CSMD1: variants seen among roughly 807,000 people sequenced by gnomAD.
The protein encoded by CSMD1 is CUB and sushi domain-containing protein 1.
A neutral mutation model predicts 417.5 loss-of-function variants in CSMD1; 213 were observed. The ratio of observed to expected loss-of-function variants is 0.51; its 90% confidence interval spans 0.46 to 0.57. CSMD1 has a LOEUF of 0.57. Among genes scored for constraint, CSMD1 ranks in the 20% least tolerant of loss-of-function variants. CSMD1 has a pLI of 0.00. For synonymous variants in CSMD1, 2,862 were observed against 1,736.8 expected, an observed-to-expected ratio of 1.65 and a Z score of -16.11; for missense variants, 6,923 against 4,529.7, an observed-to-expected ratio of 1.53 and a Z score of -15.17.
At chr8:3,216,117 T>A (rs1464615645) in intron 29 of CSMD1, among the ~76,000 whole-genome samples, 1 of 151,182 alleles carries the variant, frequency 6.6e-6, no homozygotes, top group African/African-American at 2.4e-5. Context: ...ATATATTTTA[T>A]ATACATTTCT....
chr8:3,694,265 C>G (rs529475737), intron 7 of CSMD1, among the ~76,000 whole-genome samples: 1 of 152,044 alleles, frequency 6.6e-6, no homozygotes, highest in African/African-American at 2.4e-5. Flanking sequence ...AGAGCCTGGT[C>G]ATGCTCAGGG....
intron 7 of CSMD1, among the ~76,000 whole-genome samples, chr8:3,617,142 T>C (rs1026003999): frequency 2.0e-5 from 3 of 152,180 alleles, no homozygotes; most frequent in African/African-American, 4.8e-5. Context: ...GAAAAACGCA[T>C]ACACTTAGAG....
chr8:4,473,545 T>C (rs1037757012), intron 2 of CSMD1, among the ~76,000 whole-genome samples: 3 of 152,238 alleles, frequency 2.0e-5, no homozygotes, highest in African/African-American at 7.2e-5. Flanking sequence ...TGCCTTTTTC[T>C]TGTACTTCTG....
At chr8:4,197,116 C>A (rs551836186) in intron 3 of CSMD1, among the ~76,000 whole-genome samples, 16 of 152,108 alleles carry the variant, frequency 1.1e-4, no homozygotes, top group Non-Finnish European at 1.6e-4. Flanking sequence ...AAAGTGTGTC[C>A]TCAAGCAGTT....
At chr8:4,398,855 C>G (rs911391705) in intron 3 of CSMD1, among the ~76,000 whole-genome samples, 1 of 152,098 alleles carries the variant, frequency 6.6e-6, no homozygotes, top group Non-Finnish European at 1.5e-5. Flanking sequence ...CTAATTGAAA[C>G]TTTTAAACCA....
chr8:4,825,276 C>G (rs1799759724), intron 1 of CSMD1, among the ~76,000 whole-genome samples: 1 of 152,064 alleles, frequency 6.6e-6, no homozygotes, highest in African/African-American at 2.4e-5. Context: ...GACACAATCA[C>G]CCCACTCAAG....
chr8:3,631,722 A>C (rs1010097142), intron 7 of CSMD1, among the ~76,000 whole-genome samples: 4 of 152,188 alleles, frequency 2.6e-5, no homozygotes, highest in African/African-American at 9.6e-5. Context: ...GTTCGAGAAA[A>C]ACTCTCTGAG....
At chr8:3,167,033 T>A (rs1820267042) in intron 37 of CSMD1, among the ~76,000 whole-genome samples, 1 of 152,190 alleles carries the variant, frequency 6.6e-6, no homozygotes, top group South Asian at 2.1e-4. Flanking sequence ...ACGCCTGTCA[T>A]CCCAGCACTT....
chr8:4,510,105 T>C (rs968292462), intron 2 of CSMD1, among the ~76,000 whole-genome samples: 2 of 152,038 alleles, frequency 1.3e-5, no homozygotes, highest in African/African-American at 2.4e-5. Flanking sequence ...TAAAGAGATC[T>C]GATGGTTGTA....
chr8:4,176,207 G>A (rs899271499), intron 3 of CSMD1, among the ~76,000 whole-genome samples: 5 of 152,056 alleles, frequency 3.3e-5, no homozygotes, highest in Non-Finnish European at 7.4e-5. Context: ...CCTGTTGGAT[G>A]TGGCTCTGTA....
At chr8:4,944,670 G>C (rs1367538210) in intron 1 of CSMD1, among the ~76,000 whole-genome samples, 1 of 152,140 alleles carries the variant, frequency 6.6e-6, no homozygotes, top group Non-Finnish European at 1.5e-5. Flanking sequence ...TTGATCATTA[G>C]AGGAATGCAA....
At chr8:4,178,453 A>C (rs1260814145) in intron 3 of CSMD1, among the ~76,000 whole-genome samples, 2 of 151,256 alleles carry the variant, frequency 1.3e-5, no homozygotes, top group South Asian at 2.1e-4. Flanking sequence ...AGCTATCTAT[A>C]ACAAACCCAC....
chr8:4,745,892 G>C (rs1810919256), intron 1 of CSMD1, among the ~76,000 whole-genome samples: 1 of 152,156 alleles, frequency 6.6e-6, no homozygotes, highest in Admixed American at 6.5e-5. Flanking sequence ...TCCAGGCTCA[G>C]CCACTTCCGT....
In CSMD1 at chr8:4,519,936, C is replaced by T. The variant is rs3056677; in HGVS notation, c.303-99871G>A. Among the ~76,000 whole-genome samples the T allele has an allele frequency of 8.8e-3, 1,290 of 147,048 alleles. 21 individuals carry two copies. The highest frequency in any genetic ancestry group is 0.077 in the East Asian group (383 of 4,984). On this transcript the variant is annotated intron_variant, in intron 2 of 69. Transcript: ENST00000635120. ...ACATTATGTAGTGTGTGTGTGTGTG[C>T]GTGTGTGTGTGTGTGTGTGTGGTGT...
At chr8:4,971,615 T>C (rs1585434412) in intron 1 of CSMD1, among the ~76,000 whole-genome samples, 1 of 151,862 alleles carries the variant, frequency 6.6e-6, no homozygotes, top group South Asian at 2.1e-4. Context: ...GATTTCTAAT[T>C]GCAAATGCAT....
intron 2 of CSMD1, among the ~76,000 whole-genome samples, chr8:4,553,921 C>G (rs142551549): frequency 6.6e-5 from 10 of 152,084 alleles, no homozygotes; most frequent in African/African-American, 2.4e-4. Flanking sequence ...ACTGGTTCAG[C>G]TGGAATTGAC....
At chr8:4,069,843 C>A (rs1360992544) in intron 3 of CSMD1, among the ~76,000 whole-genome samples, 1 of 152,156 alleles carries the variant, frequency 6.6e-6, no homozygotes, top group Non-Finnish European at 1.5e-5. Context: ...ATGAAGACTT[C>A]TACAAAAGTC....
intron 7 of CSMD1, among the ~76,000 whole-genome samples, chr8:3,705,075 G>C (rs562941425): frequency 3.3e-5 from 5 of 152,142 alleles, no homozygotes; most frequent in Admixed American, 1.3e-4. Context: ...ATGTCATTTG[G>C]AGAAGAAGCC....
intron 5 of CSMD1, among the ~76,000 whole-genome samples, chr8:3,974,861 G>T (rs573569779): frequency 1.3e-5 from 2 of 151,870 alleles, no homozygotes; most frequent in African/African-American, 4.8e-5. Context: ...ATAAAATCAG[G>T]TGTTATCATA....
Sources: allele counts gnomAD v4.1 joint callset (sites outside exome capture counted in the v4.1 genomes callset), GRCh38; gene constraint gnomAD v4.1.1; transcripts MANE v1.5; gene names NCBI Gene and HGNC (gene_info 2026-07-23, HGNC 2026-07-21).